Variants in GRIN2B observed in about 807,000 individuals in gnomAD.
GRIN2B encodes glutamate receptor ionotropic, NMDA 2B.
In GRIN2B, 5 loss-of-function variants were observed where a neutral mutation model predicts 114.5. That is an observed-to-expected ratio of 0.04 (90% CI 0.02 to 0.09). The LOEUF (loss-of-function observed/expected upper bound fraction) is 0.09. GRIN2B is among the 10% of genes least tolerant of loss of function. The probability of loss-of-function intolerance (pLI) is 1.00; values close to 1 mark genes in which losing one functional copy is unlikely to be tolerated. For synonymous variants in GRIN2B, 787 were observed against 745.1 expected (o/e 1.06, Z -0.92); for missense variants, 1,108 against 1,943.5 (o/e 0.57, Z 8.08).
chr12:13,758,817 G>GTGTAAGTTTA (rs1863625015), intron 3 of GRIN2B, among the ~76,000 whole-genome samples: 2 of 152,038 alleles, frequency 1.3e-5, no homozygotes, highest in Admixed American at 1.3e-4. Flanking sequence ...CAGTAAACAT[G>GTGTAAGTTTA]CATACTTGCC....
chr12:13,855,049 G>GAAAAA (rs3082840), intron 3 of GRIN2B, among the ~76,000 whole-genome samples: 19 of 88,008 alleles, frequency 2.2e-4, no homozygotes, highest in South Asian at 4.0e-4. Context: ...CATCTCTACT[G>GAAAAA]AAAAAAAAAA....
intron 4 of GRIN2B, among the ~76,000 whole-genome samples, chr12:13,686,652 A>G (rs2136552320): frequency 6.6e-6 from 1 of 152,244 alleles, no homozygotes; most frequent in Non-Finnish European, 1.5e-5. Context: ...AACTTTTTAA[A>G]AAAGTAATTG....
chr12:13,826,132 G>A (rs961145249), intron 3 of GRIN2B, among the ~76,000 whole-genome samples: 1 of 151,596 alleles, frequency 6.6e-6, no homozygotes, highest in African/African-American at 2.4e-5. Context: ...GTTTCTCTAG[G>A]ACTAACAATG....
At chr12:13,878,836 G>A (rs1425759478) in intron 2 of GRIN2B, among the ~76,000 whole-genome samples, 2 of 152,200 alleles carry the variant, frequency 1.3e-5, no homozygotes, top group African/African-American at 4.8e-5. Flanking sequence ...TTTTGAGAAT[G>A]AGAAATGTAA....
At chr12:13,869,778 C>T (rs73296756) in intron 2 of GRIN2B, among the ~76,000 whole-genome samples, 2,063 of 152,274 alleles carry the variant, frequency 0.014, 46 homozygotes, top group African/African-American at 0.048. Flanking sequence ...AATCCCCAAC[C>T]AAAACCAACT....
Position 13,851,457 on chromosome 12 carries a change from T to C in GRIN2B, c.411+14341A>G, listed in dbSNP as rs1189517821. 2.6e-5 allele frequency among the ~76,000 whole-genome samples: 4 copies of C among 152,198 alleles called. No individual in the cohort carries two copies. The East Asian group carries it at 7.7e-4, about 29-fold the overall frequency. ...AGAGCCTGACCTGTCACAGACTTTA[T>C]AACCTAAACAACATGACATGTTCTA... On this transcript the variant is annotated intron_variant, in intron 3 of 13. Coordinates refer to ENST00000609686, the MANE Select transcript of GRIN2B (RefSeq NM_000834.5).
At chr12:13,720,312 A>C (rs1318653083) in intron 4 of GRIN2B, among the ~76,000 whole-genome samples, 1 of 151,952 alleles carries the variant, frequency 6.6e-6, no homozygotes, top group Non-Finnish European at 1.5e-5. Context: ...CCTTTCTAGC[A>C]TTGTGTCAGA....
intron 3 of GRIN2B, among the ~76,000 whole-genome samples, chr12:13,775,587 G>A (rs1047750590): frequency 1.3e-5 from 2 of 152,086 alleles, no homozygotes; most frequent in African/African-American, 2.4e-5. Flanking sequence ...ATAGAATTAG[G>A]GAAGAATCAG....
chr12:13,844,859 G>T (rs889334399), intron 3 of GRIN2B, among the ~76,000 whole-genome samples: 15 of 152,064 alleles, frequency 9.9e-5, no homozygotes, highest in African/African-American at 3.6e-4. Flanking sequence ...CATCATGAAA[G>T]GTAATATTTT....
At chr12:13,896,820 C>T (rs1447714548) in intron 2 of GRIN2B, among the ~76,000 whole-genome samples, 1 of 152,182 alleles carries the variant, frequency 6.6e-6, no homozygotes. Flanking sequence ...GCTAGTGTGG[C>T]TTTCACATGC....
intron 10 of GRIN2B, among the ~76,000 whole-genome samples, chr12:13,583,069 C>A (rs1948873672): frequency 6.6e-6 from 1 of 152,150 alleles, no homozygotes; most frequent in African/African-American, 2.4e-5. Context: ...TTTAACATAT[C>A]ATAACCTGCA....
In GRIN2B at chr12:13,796,403, G is replaced by A. The variant is rs899905432; in HGVS notation, c.412-42488C>T. On this transcript the variant is annotated intron_variant, in intron 3 of 13. Transcript: ENST00000609686. ...TTTAGTCTCACTTTGTGAGTCAGGG[G>A]GAAGAAGGCCAGAGGGCAGCATAAT... Among the ~76,000 whole-genome samples the A allele has an allele frequency of 4.6e-5, 7 of 152,162 alleles. No homozygotes were observed. In the South Asian group the frequency reaches 1.2e-3, roughly 27 times the overall value.
chr12:13,690,736 T>G (rs1950209868), intron 4 of GRIN2B, among the ~76,000 whole-genome samples: 1 of 152,206 alleles, frequency 6.6e-6, no homozygotes, highest in African/African-American at 2.4e-5. Flanking sequence ...GCGATTTCTC[T>G]TTGTTTCTGA....
rs1273471563 is a variant in GRIN2B at position 13,544,970 on chromosome 12, T to G, written c.*17813A>C. ...TCTATGCTCCGAACCTTCTAGCAACTTCTCATCTTGCTCTTGGTAAAAGCC... is the reference window on the plus strand; with the variant it reads ...TCTATGCTCCGAACCTTCTAGCAACGTCTCATCTTGCTCTTGGTAAAAGCC... On this transcript the variant is annotated 3_prime_UTR_variant, in exon 14 of 14. Coordinates refer to ENST00000609686, the MANE Select transcript of GRIN2B (RefSeq NM_000834.5). 6.6e-6 allele frequency: 1 copy of G among 152,360 alleles called. No homozygotes were observed. Among genetic ancestry groups the G allele is most frequent in the African/African-American group, 2.4e-5 (1 of 41,460 alleles). 9.4% of individuals were successfully genotyped at this position (152,360 alleles called of 1,614,324 possible).
At chr12:13,914,933 G>A (rs1866688134) in intron 2 of GRIN2B, among the ~76,000 whole-genome samples, 2 of 151,966 alleles carry the variant, frequency 1.3e-5, no homozygotes, top group African/African-American at 2.4e-5. Flanking sequence ...AGGAAAGAGG[G>A]GATAAAGAGA....
chr12:13,640,586 G>A (rs1949706457), intron 5 of GRIN2B, among the ~76,000 whole-genome samples: 1 of 152,106 alleles, frequency 6.6e-6, no homozygotes, highest in Admixed American at 6.6e-5. Flanking sequence ...TCCGAATCTG[G>A]CTTTAAGTAG....
At chr12:13,593,149 C>G (rs1190388097) in intron 10 of GRIN2B, among the ~76,000 whole-genome samples, 1 of 152,160 alleles carries the variant, frequency 6.6e-6, no homozygotes, top group African/African-American at 2.4e-5. Context: ...TCAGTGCTAT[C>G]CCGATCAAGC....
chr12:13,805,329 T>A (rs979521177), intron 3 of GRIN2B, among the ~76,000 whole-genome samples: 1 of 152,030 alleles, frequency 6.6e-6, no homozygotes, highest in Non-Finnish European at 1.5e-5. Context: ...GAAACCAGAG[T>A]TCATGGATCC....
chr12:13,811,061 A>G (rs1007055497), intron 3 of GRIN2B, among the ~76,000 whole-genome samples: 2 of 152,248 alleles, frequency 1.3e-5, no homozygotes, highest in African/African-American at 2.4e-5. Context: ...TTATCTGATC[A>G]TTAGCCACTG....
Sources: allele counts gnomAD v4.1 joint callset (sites outside exome capture counted in the v4.1 genomes callset), GRCh38; gene constraint gnomAD v4.1.1; transcripts MANE v1.5; gene names NCBI Gene and HGNC (gene_info 2026-07-23, HGNC 2026-07-21).